POTEE: variants seen among roughly 807,000 people sequenced by gnomAD.
POTEE encodes the protein POTE ankyrin domain family member E.
POTEE carries 21 observed loss-of-function variants against 74.2 expected under a neutral mutation model. That is an observed-to-expected ratio of 0.28 (90% CI 0.20 to 0.41). The LOEUF (loss-of-function observed/expected upper bound fraction) is 0.41, where lower values mean the gene tolerates loss of function less well. POTEE is among the 10% of genes least tolerant of loss of function. The pLI, the probability that POTEE is intolerant of heterozygous loss-of-function variation, is 1.00. For missense variants in POTEE, 525 were observed against 1,158.6 expected (o/e 0.45, Z 7.94); for synonymous variants, 211 against 432.8 (o/e 0.49, Z 6.36).
chr2:131,211,738 A>G (rs1443160847), intron 2 of POTEE, among the ~76,000 whole-genome samples: 2 of 150,870 alleles, frequency 1.3e-5, no homozygotes. Context: ...TTGTATTTTT[A>G]GTAGAGATGG....
intron 2 of POTEE, among the ~76,000 whole-genome samples, chr2:131,215,266 TATA>T (rs555898395): frequency 3.1e-3 from 472 of 152,306 alleles, no homozygotes; most frequent in African/African-American, 0.011. Flanking sequence ...TGTAAATAAA[TATA>T]ATTATGAGAT....
intron 6 of POTEE, among the ~76,000 whole-genome samples, chr2:131,225,325 C>G (rs1402282627): frequency 6.6e-6 from 1 of 152,022 alleles, no homozygotes; most frequent in Admixed American, 6.6e-5. Context: ...GGGAGGATTG[C>G]TTGAGCTCAG....
At position 131,263,750 on chromosome 2, in the gene POTEE, G is replaced by A; in HGVS notation, c.2295G>A (p.Leu765=). The A allele has an allele frequency of 1.9e-6, 3 of 1,612,072 alleles. No individual in the cohort carries two copies. Among genetic ancestry groups the A allele is most frequent in the African/African-American group, 1.3e-5 (1 of 74,860 alleles). ...GKEAQSKRGI[L]TLKYPMEHGI... is the part of the protein sequence containing the mutation. ...AGGCCCAGAGCAAGAGAGGCATCCTGACCCTGAAGTACCCCATGGAACACG... is the reference window on the plus strand; with the variant it reads ...AGGCCCAGAGCAAGAGAGGCATCCTAACCCTGAAGTACCCCATGGAACACG... The change falls in exon 18 of 18, where the codon CTG becomes CTA. Residue 765 remains leucine, a synonymous_variant. Transcript: ENST00000683005.
At chr2:131,222,857 A>G (rs1343647313) in intron 4 of POTEE, among the ~76,000 whole-genome samples, 3 of 151,736 alleles carry the variant, frequency 2.0e-5, no homozygotes, top group Non-Finnish European at 4.4e-5. Flanking sequence ...AAATTTATCT[A>G]AATGCTGGTC....
chr2:131,218,070 T>G, intron 3 of POTEE: 4 of 431,356 alleles, frequency 9.3e-6, no homozygotes, highest in South Asian at 7.1e-5. Context: ...GTTCCTTTGC[T>G]GGGCTTGACC....
At chr2:131,210,017 G>A (rs1417910855) in intron 1 of POTEE, among the ~76,000 whole-genome samples, 198 bp downstream of exon 1, 2 of 113,496 alleles carry the variant, frequency 1.8e-5, no homozygotes, top group Non-Finnish European at 3.7e-5. Context: ...GGGGGTGGTG[G>A]GGGGGAGGCA....
At chr2:131,227,557 TTAA>T (rs1261911951) in intron 7 of POTEE, among the ~76,000 whole-genome samples, 1 of 101,094 alleles carries the variant, frequency 9.9e-6, no homozygotes, top group Non-Finnish European at 1.9e-5. Flanking sequence ...CACTTTTCCT[TTAA>T]TGAAGACAAG....
intron 8 of POTEE, among the ~76,000 whole-genome samples, chr2:131,229,050 C>A (rs1700866451): frequency 6.6e-6 from 1 of 150,614 alleles, no homozygotes; most frequent in South Asian, 2.1e-4. Flanking sequence ...GAGCACCAGC[C>A]CCCTGCTCTG....
In POTEE at chr2:131,221,086, A is replaced by C. The variant is rs565739387; in HGVS notation, c.521+2163A>C. Among the ~76,000 whole-genome samples, 4 of 152,358 alleles carry C rather than the reference A, an allele frequency of 2.6e-5. No individual in the cohort carries two copies. The East Asian group carries it at 7.7e-4, about 29-fold the overall frequency. The stretch of plus-strand genomic sequence containing the variant: ...TTAAATTGCTACAGCTTTTCAAACA[A>C]ACACTTTAGTGGTAAGAACCACATT... On this transcript the variant is annotated intron_variant, in intron 4 of 17. Coordinates refer to ENST00000683005, the MANE Select transcript of POTEE (RefSeq NM_001083538.3).
At chr2:131,225,036 CCTT>C (rs1700737674) in intron 6 of POTEE, among the ~76,000 whole-genome samples, 1 of 152,112 alleles carries the variant, frequency 6.6e-6, no homozygotes, top group Non-Finnish European at 1.5e-5. Context: ...CTCTCCTACT[CCTT>C]ACTCTTTTTG....
At chr2:131,219,752 AG>A (rs1700558347) in intron 4 of POTEE, among the ~76,000 whole-genome samples, 2 of 151,882 alleles carry the variant, frequency 1.3e-5, no homozygotes, top group South Asian at 4.1e-4. Flanking sequence ...AAAAAAAAAA[AG>A]ATGGGAGCTT....
chr2:131,226,942 C>G lies in POTEE; in HGVS notation c.917+13C>G. 4.3e-6 allele frequency: 7 copies of G among 1,610,036 alleles called. No individual in the cohort carries two copies. The highest frequency in any genetic ancestry group is 5.1e-6 in the Non-Finnish European group (6 of 1,179,302). On this transcript the variant is annotated intron_variant, in intron 7 of 17. Coordinates refer to ENST00000683005, the MANE Select transcript of POTEE (RefSeq NM_001083538.3). ...ATAGATATGGAAGGTATAGTTCTTT[C>G]TTTTAATCTGTGTGTTCTAGATGGA...
intron 4 of POTEE, among the ~76,000 whole-genome samples, chr2:131,219,945 C>T (rs1700563616): frequency 1.3e-5 from 2 of 151,526 alleles, no homozygotes; most frequent in South Asian, 4.2e-4. Flanking sequence ...TTACTAACAG[C>T]TGAAAAGACA....
intron 1 of POTEE, among the ~76,000 whole-genome samples, chr2:131,210,146 A>G (rs1324635596): frequency 2.1e-5 from 3 of 144,548 alleles, no homozygotes; most frequent in East Asian, 4.1e-4. Flanking sequence ...CAATGCTGGC[A>G]GCGGGGGGTG....
At chr2:131,210,178 C>T (rs1232832851) in intron 1 of POTEE, among the ~76,000 whole-genome samples, 26 of 136,656 alleles carry the variant, frequency 1.9e-4, no homozygotes, top group South Asian at 1.9e-3. Context: ...TTGTCGGGTG[C>T]TGCACTGCCC....
At chr2:131,229,413 G>T (rs1466288079) in intron 8 of POTEE, among the ~76,000 whole-genome samples, 1 of 152,150 alleles carries the variant, frequency 6.6e-6, no homozygotes, top group Non-Finnish European at 1.5e-5. Context: ...CCCCTTGAGT[G>T]ATCTGATTTA....
In POTEE at chr2:131,238,132, C is replaced by G; in HGVS notation, c.1198-62C>G. ...TAAAATTTTTTTAAAACATGCGCTC[C>G]AAAAGAGGAGACATCACAGAAACAC... On this transcript the variant is annotated intron_variant, in intron 10 of 17. Coordinates refer to ENST00000683005, the MANE Select transcript of POTEE (RefSeq NM_001083538.3). The G allele has an allele frequency of 1.9e-6, 3 of 1,584,796 alleles. No homozygotes were observed. The Admixed American group carries it at 5.5e-5, about 29-fold the overall frequency.
intron 9 of POTEE, among the ~76,000 whole-genome samples, chr2:131,233,423 T>C (rs989913176): frequency 6.6e-6 from 1 of 152,080 alleles, no homozygotes; most frequent in Non-Finnish European, 1.5e-5. Context: ...TTGCTGGGAT[T>C]GATGGAAGGT....
chr2:131,223,695 G>C lies in POTEE; in HGVS notation c.621G>C (p.Arg207Ser), dbSNP rs1470679083. 1 of 1,610,774 alleles carries C rather than the reference G, an allele frequency of 6.2e-7. No individual in the cohort carries two copies. Among genetic ancestry groups the C allele is most frequent in the East Asian group, 2.2e-5 (1 of 44,870 alleles). The change falls in exon 5 of 18, where the codon AGG becomes AGC. Residue 207 changes from arginine to serine, a missense_variant. Physicochemically the swap from Arg to Ser is moderately radical, Grantham distance 110. Coordinates refer to ENST00000683005, the MANE Select transcript of POTEE (RefSeq NM_001083538.3). ...TTAATGTCCTTGACAACAAAAAGAG[G>C]ACAGCTCTGATAAAGGTATGCAGTA... ...CQLNVLDNKKRTALIKAVQCQ... is the reference protein window; with the variant it reads ...CQLNVLDNKKSTALIKAVQCQ...
Sources: gnomAD v4.1 joint callset for allele counts (sites outside exome capture counted in the v4.1 genomes callset) on GRCh38, gnomAD v4.1.1 for gene constraint, MANE v1.5 for transcripts, NCBI Gene and HGNC (gene_info 2026-07-23, HGNC 2026-07-21) for gene names.